Variants in KCNIP4 observed in about 807,000 individuals in gnomAD.
KCNIP4 encodes the protein potassium voltage-gated channel interacting protein 4.
In KCNIP4, 12 loss-of-function variants were observed where a neutral mutation model predicts 34.0. The ratio of observed to expected loss-of-function variants is 0.35; its 90% CI spans 0.23 to 0.57. The LOEUF (loss-of-function observed/expected upper bound fraction) is 0.57, where lower values mean the gene tolerates loss of function less well. Ranked by LOEUF, KCNIP4 falls within the 20% of genes least tolerant of loss-of-function variation. KCNIP4 has a pLI of 0.83. For synonymous variants in KCNIP4, 124 were observed against 102.2 expected, an observed-to-expected ratio of 1.21 and a Z score of -1.29; for missense variants, 238 against 311.7, an observed-to-expected ratio of 0.76 and a Z score of 1.78.
intron 3 of KCNIP4, among the ~76,000 whole-genome samples, chr4:20,839,704 A>G (rs1422670197): frequency 6.6e-6 from 1 of 152,068 alleles, no homozygotes; most frequent in Admixed American, 6.6e-5. Context: ...CTACATTTTG[A>G]GTGTTGTCAT....
intron 1 of KCNIP4, among the ~76,000 whole-genome samples, chr4:21,321,029 T>A (rs1578074137): frequency 6.7e-6 from 1 of 149,932 alleles, no homozygotes; most frequent in Non-Finnish European, 1.5e-5. Context: ...TCATGAATTG[T>A]GGTAAATCTG....
chr4:21,821,401 A>C (rs1722346793), intron 1 of KCNIP4, among the ~76,000 whole-genome samples: 1 of 152,212 alleles, frequency 6.6e-6, no homozygotes, highest in Non-Finnish European at 1.5e-5. Context: ...TCAAGAGGAT[A>C]CATTTCACTG....
chr4:21,314,069 A>G (rs1713471284), intron 1 of KCNIP4, among the ~76,000 whole-genome samples: 1 of 152,110 alleles, frequency 6.6e-6, no homozygotes, highest in African/African-American at 2.4e-5. Context: ...ACTTCCTTGT[A>G]GTTTTATGAC....
intron 1 of KCNIP4, among the ~76,000 whole-genome samples, chr4:21,218,303 C>A (rs980289200): frequency 6.6e-6 from 1 of 152,156 alleles, no homozygotes; most frequent in Non-Finnish European, 1.5e-5. Context: ...ACATGAGCCA[C>A]TGCACCCAGC....
At chr4:21,158,122 CTAAA>C (rs1365744251) in intron 1 of KCNIP4, among the ~76,000 whole-genome samples, 1 of 152,022 alleles carries the variant, frequency 6.6e-6, no homozygotes, top group Non-Finnish European at 1.5e-5. Context: ...AATAGGTACT[CTAAA>C]TAACCCTGTA....
At chr4:21,370,251 GA>G (rs1720206452) in intron 1 of KCNIP4, among the ~76,000 whole-genome samples, 1 of 147,360 alleles carries the variant, frequency 6.8e-6, no homozygotes, top group Non-Finnish European at 1.5e-5. Flanking sequence ...AAGCAGTAAG[GA>G]AAGTGACAAA....
At chr4:21,702,763 G>C (rs927839714) in intron 1 of KCNIP4, among the ~76,000 whole-genome samples, 6 of 151,938 alleles carry the variant, frequency 3.9e-5, no homozygotes, top group African/African-American at 1.5e-4. Flanking sequence ...GTACAGTATT[G>C]GCATGACACA....
chr4:21,053,429 T>A (rs1033717033), intron 1 of KCNIP4, among the ~76,000 whole-genome samples: 1 of 152,150 alleles, frequency 6.6e-6, no homozygotes, highest in Non-Finnish European at 1.5e-5. Context: ...GGTAAAAAAA[T>A]CTAGACACTT....
chr4:20,957,540 T>G (rs1024602231), intron 1 of KCNIP4, among the ~76,000 whole-genome samples: 1 of 152,112 alleles, frequency 6.6e-6, no homozygotes, highest in Non-Finnish European at 1.5e-5. Flanking sequence ...ATTCCAGGTT[T>G]GCTTGGCTTC....
rs905856041 is a variant in KCNIP4, at chr4:21,498,414, T to C, written c.61+450157A>G. Among the ~76,000 whole-genome samples, 11 of 152,196 alleles carry C rather than the reference T, an allele frequency of 7.2e-5. 1 individual carries two copies. Among genetic ancestry groups the C allele is most frequent in the African/African-American group, 2.7e-4 (11 of 41,454 alleles). On this transcript the variant is annotated intron_variant, in intron 1 of 8. Transcript: ENST00000382152. ...TCACTTTTGAGTTTTCTCTTGTCCA[T>C]TTGGGGGGTTATGTTTTACTATTAA...
At chr4:21,855,147 GC>G (rs1724670924) in intron 1 of KCNIP4, among the ~76,000 whole-genome samples, 1 of 152,194 alleles carries the variant, frequency 6.6e-6, no homozygotes, top group Admixed American at 6.5e-5. Flanking sequence ...TCAATGGAGA[GC>G]CGTCTATTGT....
At chr4:21,946,735 A>T (rs1730532080) in intron 1 of KCNIP4, among the ~76,000 whole-genome samples, 1 of 152,250 alleles carries the variant, frequency 6.6e-6, no homozygotes, top group Non-Finnish European at 1.5e-5. Flanking sequence ...AACAGGTGTC[A>T]AATCAATTCT....
chr4:21,519,355 C>CAA (rs1735068427), intron 1 of KCNIP4, among the ~76,000 whole-genome samples: 1 of 146,476 alleles, frequency 6.8e-6, no homozygotes, highest in Non-Finnish European at 1.5e-5. Context: ...CACACACACA[C>CAA]ACACACACAC....
chr4:21,183,984 C>G (rs714911), intron 1 of KCNIP4, among the ~76,000 whole-genome samples: 11,326 of 152,088 alleles, frequency 0.074, 572 homozygotes, highest in South Asian at 0.16. Context: ...TCGTATCTCA[C>G]TACCAAAAAT....
chr4:21,761,502 A>G (rs1035865980), intron 1 of KCNIP4, among the ~76,000 whole-genome samples: 6 of 152,140 alleles, frequency 3.9e-5, no homozygotes, highest in African/African-American at 7.2e-5. Context: ...TACAGACATT[A>G]CAATGACCTC....
At chr4:21,382,012 C>T (rs1483250087) in intron 1 of KCNIP4, among the ~76,000 whole-genome samples, 1 of 152,134 alleles carries the variant, frequency 6.6e-6, no homozygotes, top group Non-Finnish European at 1.5e-5. Context: ...GAAAATGGAA[C>T]AGCAAATGTT....
chr4:21,109,520 T>G (rs1490783793), intron 1 of KCNIP4, among the ~76,000 whole-genome samples: 1 of 152,152 alleles, frequency 6.6e-6, no homozygotes, highest in Non-Finnish European at 1.5e-5. Context: ...TTTCTTTGAC[T>G]AGGAAAGGGA....
chr4:21,723,364 CT>C (rs571432631), intron 1 of KCNIP4, among the ~76,000 whole-genome samples: 1 of 152,186 alleles, frequency 6.6e-6, no homozygotes, highest in Admixed American at 6.6e-5. Context: ...GCTGCTTCTC[CT>C]TTTTTTGTGT....
At chr4:21,501,688 T>TTGTGTGTGTGTG (rs370071298) in intron 1 of KCNIP4, among the ~76,000 whole-genome samples, 2,319 of 127,284 alleles carry the variant, frequency 0.018, 50 homozygotes, top group African/African-American at 0.034. Flanking sequence ...TGCAGAAGCC[T>TTGTGTGTGTGTG]TGTGTGTGTG....
Sources: allele counts gnomAD v4.1 joint callset (sites outside exome capture counted in the v4.1 genomes callset), GRCh38; gene constraint gnomAD v4.1.1; transcripts MANE v1.5; gene names NCBI Gene and HGNC (gene_info 2026-07-23, HGNC 2026-07-21).